The following KANK2 variants were observed in gnomAD, a reference collection of about 807,000 sequenced individuals.
KANK2 encodes KN motif and ankyrin repeat domain-containing protein 2.
In KANK2, 41 loss-of-function variants were observed where a neutral mutation model predicts 74.6. That is an observed-to-expected ratio of 0.55 (90% CI 0.43 to 0.71). The LOEUF (loss-of-function observed/expected upper bound fraction) is 0.71, where lower values mean the gene tolerates loss of function less well. Ranked by LOEUF, KANK2 falls within the 30% of genes least tolerant of loss-of-function variation. The pLI, the probability that KANK2 is intolerant of heterozygous loss-of-function variation, is 0.00. For synonymous variants in KANK2, 537 were observed against 519.0 expected, an observed-to-expected ratio of 1.03 and a Z score of -0.47; for missense variants, 1,148 against 1,196.4, an observed-to-expected ratio of 0.96 and a Z score of 0.60.
rs749147289 is a variant in KANK2 at position 11,193,022 on chromosome 19, C to T, written c.1058G>A (p.Arg353Gln). ...GCCGTAAGGCTCCAGGCTCTGGGCCCGCTGTGCGGGGGCGCCAGCGGCTGT... is the reference window on the plus strand; with the variant it reads ...GCCGTAAGGCTCCAGGCTCTGGGCCTGCTGTGCGGGGGCGCCAGCGGCTGT... Reference protein sequence around the residue: ...ASTAAGAPAQRAQSLEPYGTG... With the variant: ...ASTAAGAPAQQAQSLEPYGTG... The change falls in exon 4 of 13, where the codon CGG becomes CAG. Residue 353 changes from arginine (R) to glutamine (Q), a missense_variant. Coordinates refer to ENST00000586659, the MANE Select transcript of KANK2 (RefSeq NM_001136191.3). This position sits in a 1 kb window ranked among gnomAD's most constrained non-coding sequence, Gnocchi z 9.6. The T allele has an allele frequency of 1.3e-5, 21 of 1,613,024 alleles. No homozygotes were observed. Among genetic ancestry groups the T allele is most frequent in the Admixed American group, 1.0e-4 (6 of 59,956 alleles).
chr19:11,192,583 A>C (rs575691685), intron 4 of KANK2: 2 of 435,750 alleles, frequency 4.6e-6, no homozygotes, highest in South Asian at 2.0e-5. Flanking sequence ...TTACAGGCGC[A>C]CGCCACCACA....
chr19:11,177,981 AC>A (rs2078393639), intron 6 of KANK2, among the ~76,000 whole-genome samples: 1 of 152,000 alleles, frequency 6.6e-6, no homozygotes, highest in South Asian at 2.1e-4. Flanking sequence ...GAGGACCTGC[AC>A]CACCTGAGTG....
chr19:11,170,298 G>C lies in KANK2; in HGVS notation c.2212-50C>G. The C allele has an allele frequency of 6.6e-7, 1 of 1,519,722 alleles. No homozygotes were observed. The highest frequency in any genetic ancestry group is 9.0e-7 in the Non-Finnish European group (1 of 1,108,146). The allele number at this position is 1,519,722 out of a possible 1,614,324, so 94.1% of individuals were successfully genotyped here. ...ATGGTTCATGCAGGCCCCAGGGCAG[G>C]ACACCCCCTGGTCTAGAACCTGCTG... is the stretch of plus-strand genomic sequence containing the variant. On this transcript the variant is annotated intron_variant, in intron 10 of 12. Coordinates refer to ENST00000586659, the MANE Select transcript of KANK2 (RefSeq NM_001136191.3). This position sits in a 1 kb window ranked among gnomAD's most constrained non-coding sequence, Gnocchi z 5.2.
At chr19:11,184,841 C>T (rs1453798625) in intron 4 of KANK2, among the ~76,000 whole-genome samples, 3 of 146,742 alleles carry the variant, frequency 2.0e-5, no homozygotes, top group Non-Finnish European at 4.5e-5. Flanking sequence ...GATGAAGTCT[C>T]GCTCTTGTTG....
At position 11,193,918 on chromosome 19, in the gene KANK2, C is replaced by T. The variant is rs1184920182; in HGVS notation, c.162G>A (p.Glu54=). The change falls in exon 4 of 13, where the codon GAG becomes GAA. Residue 54 remains glutamate (E), a synonymous_variant. Transcript: ENST00000586659. This position sits in a 1 kb window ranked among gnomAD's most constrained non-coding sequence, Gnocchi z 9.6. The stretch of plus-strand genomic sequence containing the variant: ...CCACGCGTCGCAGCGTGTGGCCCTT[C>T]TCGATGTCATCCACGTACTTGAGGA... ...LDFLKYVDDI[E]KGHTLRRVAV... is the part of the protein sequence containing the mutation. The T allele has an allele frequency of 1.2e-6, 2 of 1,613,948 alleles. No individual in the cohort carries two copies. Among genetic ancestry groups the T allele is most frequent in the Admixed American group, 1.7e-5 (1 of 60,022 alleles).
intron 4 of KANK2, among the ~76,000 whole-genome samples, chr19:11,187,354 AAAT>A (rs1430573582): frequency 6.6e-6 from 1 of 152,100 alleles, no homozygotes; most frequent in Non-Finnish European, 1.5e-5. Context: ...GGAGAGGAAA[AAAT>A]AAGAAACAGA....
At chr19:11,186,914 T>G (rs1301036131) in intron 4 of KANK2, among the ~76,000 whole-genome samples, 1 of 152,140 alleles carries the variant, frequency 6.6e-6, no homozygotes, top group African/African-American at 2.4e-5. Context: ...CCAGCATTGT[T>G]CGTGGTGGCC....
intron 4 of KANK2, among the ~76,000 whole-genome samples, chr19:11,192,047 G>A (rs958065340): frequency 2.6e-5 from 4 of 152,192 alleles, no homozygotes; most frequent in Admixed American, 6.5e-5. Flanking sequence ...GCAATGGAGC[G>A]AGACTCTATC....
intron 10 of KANK2, among the ~76,000 whole-genome samples, chr19:11,171,696 T>C (rs2078178056): frequency 6.7e-6 from 1 of 150,254 alleles, no homozygotes; most frequent in Admixed American, 6.6e-5. Flanking sequence ...TTTTTTTTTT[T>C]GAGATGGAGT....
intron 4 of KANK2, among the ~76,000 whole-genome samples, chr19:11,186,251 G>A (rs912421345): frequency 3.9e-5 from 6 of 151,918 alleles, no homozygotes; most frequent in African/African-American, 1.5e-4. Flanking sequence ...AGCCAGGTGT[G>A]GTGGCGGGTG....
At position 11,170,327 on chromosome 19, in the gene KANK2, C is replaced by T; in HGVS notation, c.2212-79G>A. 1 of 1,093,166 alleles carries T rather than the reference C, an allele frequency of 9.1e-7. No individual in the cohort carries two copies. The highest frequency in any genetic ancestry group is 1.3e-6 in the Non-Finnish European group (1 of 743,370). 67.7% of individuals were successfully genotyped at this position (1,093,166 alleles called of 1,614,324 possible). On this transcript the variant is annotated intron_variant, in intron 10 of 12. Transcript: ENST00000586659. This position sits in a 1 kb window ranked among gnomAD's most constrained non-coding sequence, Gnocchi z 5.2. ...CCCCCTGGTCTAGAACCTGCTGTAG[C>T]TCCCACATACTCTGATGGTGAAATG...
chr19:11,166,717 G>C (rs2078032130), intron 12 of KANK2, 106 bp from the exon 13 acceptor site: 2 of 1,048,696 alleles, frequency 1.9e-6, no homozygotes, highest in Non-Finnish European at 2.9e-6. Flanking sequence ...CAGGAGGGAG[G>C]CGTGGCCCCT....
In KANK2 at chr19:11,193,339, C is replaced by T; in HGVS notation, c.741G>A (p.Glu247=). The T allele has an allele frequency of 6.2e-7, 1 of 1,612,642 alleles. No homozygotes were observed. Among genetic ancestry groups the T allele is most frequent in the Non-Finnish European group, 8.5e-7 (1 of 1,179,918 alleles). Residue 247 remains glutamate, a synonymous_variant, in exon 4 of 13, where the codon GAG becomes GAA. Transcript: ENST00000586659. This position sits in a 1 kb window ranked among gnomAD's most constrained non-coding sequence, Gnocchi z 9.6. Reference sequence around the variant, plus strand: ...GGGGATCGGGGAGGTCCAGGCAGAGCTCGCTGCGACCCCGGCCCGCTGTGG... The same window carrying T: ...GGGGATCGGGGAGGTCCAGGCAGAGTTCGCTGCGACCCCGGCCCGCTGTGG... ...GHPTAGRGRS[E]LCLDLPDPPE...
At chr19:11,176,085 C>A in intron 7 of KANK2, 96 bp from the exon 8 acceptor site, 1 of 904,508 alleles carries the variant, frequency 1.1e-6, no homozygotes, top group South Asian at 1.6e-5. Flanking sequence ...ACAATAGGGT[C>A]ACCTGAATGG....
intron 10 of KANK2, among the ~76,000 whole-genome samples, chr19:11,172,374 G>A (rs1418462788): frequency 6.6e-6 from 1 of 152,140 alleles, no homozygotes; most frequent in Non-Finnish European, 1.5e-5. Flanking sequence ...GTTATGCCCC[G>A]TCACAGCTCC....
At chr19:11,186,745 G>A (rs892188579) in intron 4 of KANK2, among the ~76,000 whole-genome samples, 6 of 152,114 alleles carry the variant, frequency 3.9e-5, no homozygotes, top group African/African-American at 1.2e-4. Flanking sequence ...GCCATATGTT[G>A]GTGAGGATAT....
chr19:11,189,103 C>CA (rs1382499370), intron 4 of KANK2, among the ~76,000 whole-genome samples: 3 of 134,344 alleles, frequency 2.2e-5, no homozygotes, highest in Admixed American at 7.5e-5. Context: ...TTCTCTCCCC[C>CA]CCCACCCCCG....
At chr19:11,177,906 A>T (rs115355169) in intron 6 of KANK2, among the ~76,000 whole-genome samples, 2,210 of 151,832 alleles carry the variant, frequency 0.015, 49 homozygotes, top group African/African-American at 0.05. Flanking sequence ...GCTAGCTCCT[A>T]CTTCTCCCGT....
chr19:11,188,119 G>A, intron 4 of KANK2, among the ~76,000 whole-genome samples: 1 of 152,236 alleles, frequency 6.6e-6, no homozygotes. Context: ...TAATACAAGA[G>A]AAGTGGTCTG....
Sources: gnomAD v4.1 joint callset for allele counts (sites outside exome capture counted in the v4.1 genomes callset) on GRCh38, gnomAD v4.1.1 for gene constraint, Gnocchi (gnomAD v3.1) non-coding constraint, MANE v1.5 for transcripts, NCBI Gene and HGNC (gene_info 2026-07-23, HGNC 2026-07-21) for gene names.